HS2ST1: variants seen among roughly 807,000 people sequenced by gnomAD.
HS2ST1 encodes the protein 2-O-sulfotransferase.
A neutral mutation model predicts 42.9 loss-of-function variants in HS2ST1; 18 were observed. The ratio of observed to expected loss-of-function variants is 0.42; its 90% confidence interval spans 0.29 to 0.62. HS2ST1 has a LOEUF of 0.62. HS2ST1 is among the 20% of genes least tolerant of loss of function. The probability of loss-of-function intolerance (pLI) is 0.21; values close to 1 mark genes in which losing one functional copy is unlikely to be tolerated. For missense variants in HS2ST1, 334 were observed against 433.8 expected, an observed-to-expected ratio of 0.77 and a Z score of 2.04; for synonymous variants, 146 against 152.9, an observed-to-expected ratio of 0.95 and a Z score of 0.33.
At chr1:86,927,636 G>A (rs1212959472) in intron 1 of HS2ST1, among the ~76,000 whole-genome samples, 2 of 152,266 alleles carry the variant, frequency 1.3e-5, no homozygotes, top group Non-Finnish European at 2.9e-5. Flanking sequence ...TATAAAGAGT[G>A]ATCAGATGAT....
At chr1:86,974,007 A>T (rs1045439594) in intron 1 of HS2ST1, among the ~76,000 whole-genome samples, 1 of 152,174 alleles carries the variant, frequency 6.6e-6, no homozygotes, top group Non-Finnish European at 1.5e-5. Context: ...GAAAGCCCTT[A>T]TAATTTCCTG....
chr1:86,969,697 T>C (rs958365748), intron 1 of HS2ST1, among the ~76,000 whole-genome samples: 10 of 151,708 alleles, frequency 6.6e-5, no homozygotes, highest in African/African-American at 2.4e-4. Context: ...ATATAAAATA[T>C]TTTAATTAAG....
chr1:86,984,058 A>T (rs1648685314), intron 1 of HS2ST1, among the ~76,000 whole-genome samples: 1 of 151,318 alleles, frequency 6.6e-6, no homozygotes, highest in African/African-American at 2.4e-5. Flanking sequence ...AAAAAATTTC[A>T]ACTTAGTAAT....
At chr1:87,049,085 G>GT (rs1471080138) in intron 1 of HS2ST1, among the ~76,000 whole-genome samples, 3 of 151,878 alleles carry the variant, frequency 2.0e-5, no homozygotes, top group East Asian at 1.9e-4. Flanking sequence ...TTGTGCGAAG[G>GT]TTTTTTATCT....
intron 1 of HS2ST1, among the ~76,000 whole-genome samples, chr1:86,985,507 CACATATATATACACATATATAT>C (rs1557504955): frequency 1.1e-4 from 8 of 75,922 alleles, no homozygotes; most frequent in African/African-American, 3.3e-4. Context: ...CACATATATA[CACATATATATACACATATATAT>C]ACATATATAT....
At chr1:87,069,952 G>C (rs1651360622) in intron 1 of HS2ST1, among the ~76,000 whole-genome samples, 1 of 152,150 alleles carries the variant, frequency 6.6e-6, no homozygotes, top group Non-Finnish European at 1.5e-5. Context: ...GTTTTTTATA[G>C]ATAAAATAGA....
chr1:87,100,236 A>G (rs765240961), intron 5 of HS2ST1, among the ~76,000 whole-genome samples: 4 of 152,160 alleles, frequency 2.6e-5, no homozygotes, highest in Non-Finnish European at 4.4e-5. Flanking sequence ...GTGGAATGCA[A>G]GCTCCTTCAT....
At chr1:87,035,897 C>T (rs1650361950) in intron 1 of HS2ST1, among the ~76,000 whole-genome samples, 2 of 151,456 alleles carry the variant, frequency 1.3e-5, no homozygotes, top group Admixed American at 6.6e-5. Flanking sequence ...TAAGTATACA[C>T]GTGCCATGGT....
intron 1 of HS2ST1, among the ~76,000 whole-genome samples, chr1:87,054,021 T>A (rs1368808804): frequency 6.6e-6 from 1 of 152,176 alleles, no homozygotes; most frequent in Non-Finnish European, 1.5e-5. Context: ...CAGAACTTTC[T>A]CCTGAGATGT....
chr1:86,981,872 G>A (rs1003084989), intron 1 of HS2ST1, among the ~76,000 whole-genome samples: 1 of 152,244 alleles, frequency 6.6e-6, no homozygotes, highest in Admixed American at 6.5e-5. Flanking sequence ...CCCCAGTGGG[G>A]ACTCTCTGTT....
At chr1:87,015,284 G>T (rs1340178991) in intron 1 of HS2ST1, among the ~76,000 whole-genome samples, 4 of 151,270 alleles carry the variant, frequency 2.6e-5, no homozygotes, top group Admixed American at 2.6e-4. Flanking sequence ...TTGACCTCAT[G>T]ATCTGCTCGC....
intron 1 of HS2ST1, chr1:86,958,596 A>G (rs1241017118): frequency 6.6e-6 from 1 of 152,230 alleles, no homozygotes; most frequent in African/African-American, 2.4e-5. Context: ...ATTATTACCT[A>G]CATTTCTACT....
In HS2ST1 at chr1:86,966,148, T is replaced by C. The variant is rs544896166; in HGVS notation, c.124+50988T>C. ...GTAGGGGCTTCTTGTCCTTTGTGACTTTAGCTCTTATCAGAGAGCTCCTCC... is the reference window on the plus strand; with the variant it reads ...GTAGGGGCTTCTTGTCCTTTGTGACCTTAGCTCTTATCAGAGAGCTCCTCC... On this transcript the variant is annotated intron_variant, in intron 1 of 6. Transcript: ENST00000370550. Among the ~76,000 whole-genome samples, 34 of 152,354 alleles carry C rather than the reference T, an allele frequency of 2.2e-4. No homozygotes were observed. The South Asian group carries it at 6.8e-3, about 31-fold the overall frequency.
chr1:87,010,352 A>G (rs1210409345), intron 1 of HS2ST1, among the ~76,000 whole-genome samples: 1 of 151,796 alleles, frequency 6.6e-6, no homozygotes, highest in East Asian at 1.9e-4. Flanking sequence ...TACTATTTAC[A>G]TATTATAGAA....
At chr1:87,102,607 GTT>G (rs1170232325) in intron 5 of HS2ST1, among the ~76,000 whole-genome samples, 1 of 152,174 alleles carries the variant, frequency 6.6e-6, no homozygotes, top group Non-Finnish European at 1.5e-5. Flanking sequence ...TATATAAAAA[GTT>G]TGCCAATCCC....
chr1:87,083,546 AT>A (rs1651741690), intron 2 of HS2ST1, among the ~76,000 whole-genome samples: 1 of 152,196 alleles, frequency 6.6e-6, no homozygotes, highest in African/African-American at 2.4e-5. Flanking sequence ...ACATATTAAA[AT>A]ATACTTATAT....
At chr1:86,935,377 C>G (rs983077738) in intron 1 of HS2ST1, among the ~76,000 whole-genome samples, 24 of 148,038 alleles carry the variant, frequency 1.6e-4, no homozygotes, top group African/African-American at 5.5e-4. Context: ...GATGTTTGGA[C>G]TTCTCTGGAA....
At chr1:86,995,727 C>G (rs1313679183) in intron 1 of HS2ST1, among the ~76,000 whole-genome samples, 1 of 152,042 alleles carries the variant, frequency 6.6e-6, no homozygotes, top group Non-Finnish European at 1.5e-5. Context: ...ACATACCAAA[C>G]AGGAGAGACA....
At chr1:86,936,403 C>A (rs986979044) in intron 1 of HS2ST1, among the ~76,000 whole-genome samples, 6 of 151,936 alleles carry the variant, frequency 3.9e-5, no homozygotes, top group Admixed American at 6.6e-5. Flanking sequence ...CTCGAGTTTC[C>A]CTTTAAGAGA....
Sources: gnomAD v4.1 joint callset for allele counts (sites outside exome capture counted in the v4.1 genomes callset) on GRCh38, gnomAD v4.1.1 for gene constraint, MANE v1.5 for transcripts, NCBI Gene and HGNC (gene_info 2026-07-23, HGNC 2026-07-21) for gene names.